Variants in ESPNL observed in about 807,000 individuals in gnomAD.
The protein encoded by ESPNL is espin-like protein.
Under a neutral mutation model 46.8 loss-of-function variants are expected in ESPNL, and 49 were observed. That is an observed-to-expected ratio of 1.05 (90% CI 0.83 to 1.33). The LOEUF is 1.33. Ranked by LOEUF, ESPNL falls within the 40% of genes most tolerant of loss-of-function variation. The pLI is 0.00. For synonymous variants in ESPNL, 664 were observed against 662.1 expected (o/e 1.00, Z -0.04); for missense variants, 1,540 against 1,436.6 (o/e 1.07, Z -1.16).
intron 3 of ESPNL, among the ~76,000 whole-genome samples, chr2:238,106,192 C>T (rs749900710): frequency 5.3e-5 from 8 of 152,188 alleles, no homozygotes; most frequent in African/African-American, 9.7e-5. Context: ...CTACGTTCCC[C>T]GCACCTGGCA....
Position 238,104,780 on chromosome 2 carries a change from G to A in ESPNL, c.610G>A (p.Asp204Asn), listed in dbSNP as rs1290544572. ...CGCTGACGTGCACCTTCGTGCTCTC[G>A]ATGGCATGAGCGCCCTGCACGCTGC... ...CGADVHLRAL[D>N]GMSALHAAAA... Residue 204 changes from aspartate to asparagine, a missense_variant, in exon 3 of 9, where the codon GAT becomes AAT. By Grantham distance (23) the Asp-to-Asn change is conservative (BLOSUM62 1). Transcript: ENST00000343063. The A allele has an allele frequency of 4.4e-6, 7 of 1,594,954 alleles. No homozygotes were observed. Among genetic ancestry groups the A allele is most frequent in the South Asian group, 3.4e-5 (3 of 88,718 alleles).
chr2:238,113,636 G>A (rs552732270), intron 4 of ESPNL, among the ~76,000 whole-genome samples: 1 of 152,296 alleles, frequency 6.6e-6, no homozygotes, highest in African/African-American at 2.4e-5. Context: ...GCACATGTGG[G>A]CCTAGGATCA....
chr2:238,101,265 C>T (rs1038757174), intron 1 of ESPNL, among the ~76,000 whole-genome samples: 1 of 128,120 alleles, frequency 7.8e-6, no homozygotes, highest in Non-Finnish European at 1.6e-5. Flanking sequence ...CAGGACTGAC[C>T]GGCCTTAGAA....
At chr2:238,102,160 G>A (rs768755177) in intron 2 of ESPNL, 29 bp downstream of exon 2, 4 of 1,497,794 alleles carry the variant, frequency 2.7e-6, no homozygotes, top group Middle Eastern at 2.4e-4. Context: ...CGCCTGGGGG[G>A]GCAGCCTGGG....
At chr2:238,112,482 A>G (rs953876318) in intron 4 of ESPNL, among the ~76,000 whole-genome samples, 1 of 42,180 alleles carries the variant, frequency 2.4e-5, no homozygotes, top group Non-Finnish European at 5.5e-5. Context: ...AGGTCCTCCA[A>G]AAAGCATTAA....
Position 238,129,850 on chromosome 2 carries a change from G to A in ESPNL, c.1414-278G>A, listed in dbSNP as rs574630954. Among the ~76,000 whole-genome samples, 324 of 152,370 alleles carry A rather than the reference G, an allele frequency of 2.1e-3. 1 individual carries two copies. The highest frequency in any genetic ancestry group is 7.0e-3 in the African/African-American group (293 of 41,580). On this transcript the variant is annotated intron_variant, in intron 8 of 8. Transcript: ENST00000343063. ...TGCTGGAATACAGCCTGTCTCCATC[G>A]TCTCAGGACTGTGGGACAGCCCTGT... is the stretch of plus-strand genomic sequence containing the variant.
chr2:238,103,644 G>C (rs1179512957), intron 2 of ESPNL, among the ~76,000 whole-genome samples: 1 of 152,174 alleles, frequency 6.6e-6, no homozygotes, highest in African/African-American at 2.4e-5. Flanking sequence ...CACCGCGCTG[G>C]ACACCACCTG....
chr2:238,117,769 G>A (rs1408327161), intron 5 of ESPNL, among the ~76,000 whole-genome samples: 1 of 152,234 alleles, frequency 6.6e-6, no homozygotes, highest in African/African-American at 2.4e-5. Context: ...GTGGATGCAT[G>A]AGGGTGAGCA....
intron 4 of ESPNL, among the ~76,000 whole-genome samples, chr2:238,112,738 A>G (rs1265513485): frequency 6.6e-6 from 1 of 152,182 alleles, no homozygotes; most frequent in Non-Finnish European, 1.5e-5. Flanking sequence ...TATTTGCTCT[A>G]GGGATTCCTT....
At chr2:238,126,939 G>GTCTGTGTGTGTCTGTGAT (rs1232230738) in intron 6 of ESPNL, among the ~76,000 whole-genome samples, 1 of 37,646 alleles carries the variant, frequency 2.7e-5, no homozygotes, top group Non-Finnish European at 6.1e-5. Flanking sequence ...CTGTGATTGT[G>GTCTGTGTGTGTCTGTGAT]TGTGTCACTG....
chr2:238,106,530 T>C (rs1201156729), intron 3 of ESPNL, among the ~76,000 whole-genome samples: 2 of 152,118 alleles, frequency 1.3e-5, no homozygotes, highest in Non-Finnish European at 2.9e-5. Flanking sequence ...CCTCTCCAGC[T>C]CCTCCTGCTG....
At chr2:238,123,909 C>T (rs551200023) in intron 5 of ESPNL, among the ~76,000 whole-genome samples, 2 of 152,204 alleles carry the variant, frequency 1.3e-5, no homozygotes, top group Admixed American at 1.3e-4. Flanking sequence ...GGGAGGTGGC[C>T]GAGGGGCCAC....
intron 8 of ESPNL, chr2:238,129,150 G>A: frequency 7.2e-7 from 1 of 1,398,040 alleles, no homozygotes; most frequent in Non-Finnish European, 9.3e-7. Flanking sequence ...CGGATTTGTG[G>A]CACATGCCTG....
At chr2:238,120,013 C>G (rs1691951620) in intron 5 of ESPNL, among the ~76,000 whole-genome samples, 1 of 152,192 alleles carries the variant, frequency 6.6e-6, no homozygotes, top group East Asian at 1.9e-4. Flanking sequence ...GAGCACGGCT[C>G]TGCCCTGGTT....
intron 2 of ESPNL, 144 bp downstream of exon 2, chr2:238,102,275 C>CACTG: frequency 1.4e-6 from 1 of 735,492 alleles, no homozygotes; most frequent in African/African-American, 1.8e-5. Context: ...TGGGGGTGAG[C>CACTG]TGGCAGGAGC....
Position 238,131,046 on chromosome 2 carries a change from G to A in ESPNL, c.2332G>A (p.Ala778Thr). 6.5e-7 allele frequency: 1 copy of A among 1,537,664 alleles called. No individual in the cohort carries two copies. Among genetic ancestry groups the A allele is most frequent in the Non-Finnish European group, 8.7e-7 (1 of 1,143,158 alleles). ...ARHAGLRGQE[A>T]ARSPGPPSPP... ...CCACGCGGGGTTGCGGGGCCAGGAG[G>A]CCGCCAGGAGCCCTGGGCCACCCTC... Residue 778 changes from alanine (A) to threonine (T), a missense_variant, in exon 9 of 9, where the codon GCC becomes ACC. Ala to Thr is a moderately conservative substitution (Grantham distance 58, BLOSUM62 0). Coordinates refer to ENST00000343063, the MANE Select transcript of ESPNL (RefSeq NM_194312.4).
At chr2:238,102,916 C>T (rs897739512) in intron 2 of ESPNL, among the ~76,000 whole-genome samples, 2 of 152,226 alleles carry the variant, frequency 1.3e-5, no homozygotes, top group Non-Finnish European at 2.9e-5. Context: ...CCTCAGTCCC[C>T]CACACCCCCT....
At chr2:238,119,194 G>A (rs1691916147) in intron 5 of ESPNL, among the ~76,000 whole-genome samples, 2 of 132,582 alleles carry the variant, frequency 1.5e-5, no homozygotes, top group East Asian at 2.6e-4. Context: ...AGGAGGAATG[G>A]ATGGAGGAGG....
At chr2:238,113,915 C>G (rs746317931) in intron 4 of ESPNL, among the ~76,000 whole-genome samples, 20 of 152,302 alleles carry the variant, frequency 1.3e-4, no homozygotes, top group Non-Finnish European at 1.9e-4. Context: ...GTGCTGGGCT[C>G]CCCGACACCC....
Sources: gnomAD v4.1 joint callset for allele counts (sites outside exome capture counted in the v4.1 genomes callset) on GRCh38, gnomAD v4.1.1 for gene constraint, MANE v1.5 for transcripts, NCBI Gene and HGNC (gene_info 2026-07-23, HGNC 2026-07-21) for gene names.